UNC13A: variants seen among roughly 807,000 people sequenced by gnomAD.
UNC13A encodes the protein unc-13 homolog A, also known as protein unc-13 homolog A.
UNC13A carries 61 observed loss-of-function variants against 219.7 expected under a neutral mutation model. The observed-to-expected ratio is 0.28, with a 90% CI of 0.23 to 0.34. The LOEUF (loss-of-function observed/expected upper bound fraction) is 0.34. UNC13A is among the 10% of genes least tolerant of loss of function. The pLI, the probability that UNC13A is intolerant of heterozygous loss-of-function variation, is 1.00. For missense variants in UNC13A, 1,476 were observed against 2,270.3 expected (o/e 0.65, Z 7.11); for synonymous variants, 920 against 884.6 (o/e 1.04, Z -0.71).
chr19:17,676,671 G>T (rs2079904979), intron 1 of UNC13A, among the ~76,000 whole-genome samples: 1 of 152,202 alleles, frequency 6.6e-6, no homozygotes, highest in Non-Finnish European at 1.5e-5. Flanking sequence ...AAGCCTCAAA[G>T]AAGGCTGGGT....
intron 28 of UNC13A, among the ~76,000 whole-genome samples, chr19:17,630,993 C>G (rs1016389699): frequency 9.9e-5 from 15 of 152,108 alleles, no homozygotes; most frequent in African/African-American, 3.4e-4. Flanking sequence ...AATCCTAGTT[C>G]AGATAAGCTG....
intron 40 of UNC13A, 134 bp from the exon 41 acceptor site, chr19:17,617,983 T>G: frequency 8.1e-7 from 1 of 1,229,382 alleles, no homozygotes; most frequent in Non-Finnish European, 1.1e-6. Flanking sequence ...CTTTGCCTAG[T>G]GAACTCCTAT....
chr19:17,650,988 A>G (rs2079335551), intron 12 of UNC13A, among the ~76,000 whole-genome samples: 1 of 139,246 alleles, frequency 7.2e-6, no homozygotes, highest in Non-Finnish European at 1.5e-5. Context: ...CCCAGGCTGG[A>G]ATGCAATGGT....
Position 17,612,312 on chromosome 19 carries a change from A to G in UNC13A, c.4559-457T>C, listed in dbSNP as rs573805343. Among the ~76,000 whole-genome samples, 11 of 151,790 alleles carry G rather than the reference A, an allele frequency of 7.2e-5. No individual in the cohort carries two copies. The East Asian group carries it at 2.1e-3, about 29-fold the overall frequency. The stretch of plus-strand genomic sequence containing the variant: ...TTCTCCTCCGTGGGTCCTCAAACTG[A>G]CCCTGCACCTCAATATTTGACACTC... On this transcript the variant is annotated intron_variant, in intron 41 of 43. Transcript: ENST00000519716.
At chr19:17,639,992 T>C (rs2076951208) in intron 22 of UNC13A, 84 bp from the exon 23 acceptor site, 6 of 1,322,168 alleles carry the variant, frequency 4.5e-6, no homozygotes, top group African/African-American at 1.5e-5. Context: ...ACAGTAAGTA[T>C]ACCTCATCCA....
intron 26 of UNC13A, 29 bp downstream of exon 26, chr19:17,635,995 A>G: frequency 6.3e-7 from 1 of 1,590,326 alleles, no homozygotes; most frequent in Non-Finnish European, 8.6e-7. Context: ...TGACACCCAG[A>G]TAATTAACTA....
intron 28 of UNC13A, among the ~76,000 whole-genome samples, chr19:17,632,396 G>A (rs1424577646): frequency 6.6e-6 from 1 of 152,046 alleles, no homozygotes; most frequent in African/African-American, 2.4e-5. Flanking sequence ...GGCTGGTCTC[G>A]AACTCCTGGG....
intron 16 of UNC13A, 64 bp from the exon 17 acceptor site, chr19:17,647,556 G>A: frequency 1.3e-6 from 2 of 1,496,864 alleles, no homozygotes; most frequent in Non-Finnish European, 1.8e-6. Flanking sequence ...TCACCAAGGC[G>A]AGAGCCCCGC....
chr19:17,686,819 G>T (rs1018327366), intron 1 of UNC13A, among the ~76,000 whole-genome samples: 2 of 151,890 alleles, frequency 1.3e-5, no homozygotes, highest in Non-Finnish European at 2.9e-5. Flanking sequence ...AATCGGCCGA[G>T]GGGGAGGGGA....
At position 17,642,974 on chromosome 19, in the gene UNC13A, A is replaced by G. The variant is rs1411603315; in HGVS notation, c.2357-14T>C. 2.5e-6 allele frequency: 4 copies of G among 1,589,568 alleles called. No homozygotes were observed. Among genetic ancestry groups the G allele is most frequent in the Non-Finnish European group, 2.6e-6 (3 of 1,167,196 alleles). The stretch of plus-strand genomic sequence containing the variant: ...CAGTTCGCTTGTCTGCAGGGCAGAA[A>G]AAGAAGACAGTGTCAGAACTTCCCA... On this transcript the variant is annotated splice_polypyrimidine_tract_variant and intron_variant, in intron 19 of 43. Coordinates refer to ENST00000519716, the MANE Select transcript of UNC13A (RefSeq NM_001080421.3).
In UNC13A at chr19:17,655,153, G is replaced by C; in HGVS notation, c.1392+121C>G. On this transcript the variant is annotated intron_variant, in intron 11 of 43. Coordinates refer to ENST00000519716, the MANE Select transcript of UNC13A (RefSeq NM_001080421.3). ...CTGGGCATGCCCAGGCTAGGCTTGG[G>C]TACGGGTGGGGTGTTGGGCGTGGCC... 2 of 807,800 alleles carry C rather than the reference G, an allele frequency of 2.5e-6. 1 individual carries two copies. The highest frequency in any genetic ancestry group is 4.1e-6 in the Non-Finnish European group (2 of 485,530). The allele number at this position is 807,800 out of a possible 1,614,324, so 50.0% of individuals were successfully genotyped here. A position where few individuals can be genotyped will look rare whatever the true frequency, so the allele number is the denominator to read the frequency against.
chr19:17,651,686 A>G (rs911931577), intron 12 of UNC13A, among the ~76,000 whole-genome samples: 1 of 152,144 alleles, frequency 6.6e-6, no homozygotes, highest in Non-Finnish European at 1.5e-5. Context: ...CTTGTCTGAC[A>G]GGTTTCTCCC....
At chr19:17,608,354 A>C (rs897717715) in intron 43 of UNC13A, among the ~76,000 whole-genome samples, 2 of 115,342 alleles carry the variant, frequency 1.7e-5, no homozygotes, top group Non-Finnish European at 3.4e-5. Context: ...TTTTATATAT[A>C]ATATAAATAT....
At chr19:17,644,990 G>C (rs968467908) in intron 19 of UNC13A, among the ~76,000 whole-genome samples, 2 of 149,436 alleles carry the variant, frequency 1.3e-5, no homozygotes, top group African/African-American at 4.9e-5. Context: ...GCCACTGCCC[G>C]GCGCCCCCAG....
chr19:17,665,323 C>A (rs1411281068), intron 7 of UNC13A, among the ~76,000 whole-genome samples: 2 of 152,118 alleles, frequency 1.3e-5, no homozygotes, highest in African/African-American at 4.8e-5. Flanking sequence ...TGATTTGCTA[C>A]TTCCCCTCCA....
At chr19:17,681,739 C>T (rs572851550) in intron 1 of UNC13A, among the ~76,000 whole-genome samples, 1 of 152,264 alleles carries the variant, frequency 6.6e-6, no homozygotes, top group South Asian at 2.1e-4. Context: ...AGCTGTCCCC[C>T]AGAGGCGCGG....
rs770607755 is a variant in UNC13A, at chr19:17,641,386, G to A, written c.2636+7C>T. ...CTTGTTTCCTGCACCCCAGCCTGCAGTCTCACGTCATGGCTTGGTAGATGG... is the reference window on the plus strand; with the variant it reads ...CTTGTTTCCTGCACCCCAGCCTGCAATCTCACGTCATGGCTTGGTAGATGG... On this transcript the variant is annotated splice_region_variant and intron_variant, in intron 21 of 43. Transcript: ENST00000519716. The A allele has an allele frequency of 6.2e-7, 1 of 1,613,362 alleles. No homozygotes were observed. The highest frequency in any genetic ancestry group is 1.1e-5 in the South Asian group (1 of 91,028).
intron 12 of UNC13A, among the ~76,000 whole-genome samples, chr19:17,650,566 C>G (rs1371686039): frequency 6.6e-6 from 1 of 152,120 alleles, no homozygotes; most frequent in Admixed American, 6.5e-5. Flanking sequence ...CAACCTCTGC[C>G]TCCCAGGTTT....
intron 8 of UNC13A, among the ~76,000 whole-genome samples, chr19:17,662,801 T>C: frequency 6.6e-6 from 1 of 151,546 alleles, no homozygotes; most frequent in Admixed American, 6.6e-5. Context: ...ACGCCTTTAG[T>C]CCCAGCTACT....
Sources: gnomAD v4.1 joint callset for allele counts (sites outside exome capture counted in the v4.1 genomes callset) on GRCh38, gnomAD v4.1.1 for gene constraint, MANE v1.5 for transcripts, NCBI Gene and HGNC (gene_info 2026-07-23, HGNC 2026-07-21) for gene names.